The following CCNF variants were observed in gnomAD, a reference collection of about 807,000 sequenced individuals.
CCNF encodes cyclin-F.
In CCNF, 30 loss-of-function variants were observed where a neutral mutation model predicts 85.4. The observed-to-expected ratio is 0.35, with a 90% CI of 0.26 to 0.48. CCNF has a LOEUF of 0.48. CCNF is among the 20% of genes least tolerant of loss of function. The probability of loss-of-function intolerance (pLI) is 0.99; values close to 1 mark genes in which losing one functional copy is unlikely to be tolerated. For synonymous variants in CCNF, 439 were observed against 425.1 expected, an observed-to-expected ratio of 1.03 and a Z score of -0.40; for missense variants, 919 against 1,010.4, an observed-to-expected ratio of 0.91 and a Z score of 1.23.
chr16:2,448,079 G>GAGAACA (rs2065371977), intron 10 of CCNF, among the ~76,000 whole-genome samples: 1 of 152,252 alleles, frequency 6.6e-6, no homozygotes, highest in African/African-American at 2.4e-5. Context: ...ACAGAGAACA[G>GAGAACA]GGTGACCATC....
intron 8 of CCNF, among the ~76,000 whole-genome samples, chr16:2,441,937 T>TTATATATATATA (rs55737759): frequency 8.0e-4 from 48 of 60,136 alleles, no homozygotes; most frequent in Non-Finnish European, 9.8e-4. Flanking sequence ...TATTAGCAAA[T>TTATATATATATA]TATATATATA....
intron 5 of CCNF, 167 bp from the exon 6 acceptor site, chr16:2,437,903 T>TAAAAA (rs34068510): frequency 1.2e-5 from 5 of 410,470 alleles, no homozygotes; most frequent in Admixed American, 7.8e-5. Context: ...TGTTTCCCTT[T>TAAAAA]AAAAAAAAAA....
chr16:2,435,832 C>T lies in CCNF; in HGVS notation c.305C>T (p.Ala102Val), dbSNP rs2065287922. ...GCTGCTGAAAAGGGGAATTTCGAAG[C>T]TGCTGTGAAGCTGGGCATAGCCTAC... ...ERAAEKGNFE[A>V]AVKLGIAYLY... is the part of the protein sequence containing the mutation. Residue 102 changes from alanine (A) to valine (V), a missense_variant, in exon 4 of 17, where the codon GCT becomes GTT. Physicochemically the swap from Ala to Val is moderately conservative, Grantham distance 64. Transcript: ENST00000397066. The T allele has an allele frequency of 6.2e-7, 1 of 1,613,694 alleles. No individual in the cohort carries two copies. Among genetic ancestry groups the T allele is most frequent in the African/African-American group, 1.3e-5 (1 of 74,876 alleles).
At chr16:2,443,556 A>C in intron 8 of CCNF, 93 bp from the exon 9 acceptor site, 1 of 1,257,738 alleles carries the variant, frequency 8.0e-7, no homozygotes, top group South Asian at 1.3e-5. Context: ...GTGTGTCCAC[A>C]TGCATTTGGT....
intron 2 of CCNF, among the ~76,000 whole-genome samples, chr16:2,432,279 T>C (rs1002929742): frequency 8.5e-5 from 13 of 152,182 alleles, no homozygotes; most frequent in African/African-American, 2.7e-4. Context: ...ATTGGAACCA[T>C]AGGCTTACTT....
At chr16:2,430,661 G>A (rs1203700378) in intron 1 of CCNF, among the ~76,000 whole-genome samples, 1 of 152,082 alleles carries the variant, frequency 6.6e-6, no homozygotes, top group Non-Finnish European at 1.5e-5. Context: ...CTTCTAATTT[G>A]GACTTGAAAA....
At chr16:2,449,785 G>GTCCCCTCCCA in intron 12 of CCNF, 43 bp from the exon 13 acceptor site, 1 of 653,730 alleles carries the variant, frequency 1.5e-6, no homozygotes, top group South Asian at 1.5e-5. Flanking sequence ...CATCCCCTCC[G>GTCCCCTCCCA]TCCCCTCCAT....
chr16:2,437,183 T>G lies in CCNF; in HGVS notation c.401T>G (p.Phe134Cys), dbSNP rs1238678447. 2 of 1,612,162 alleles carry G rather than the reference T, an allele frequency of 1.2e-6. No individual in the cohort carries two copies. The highest frequency in any genetic ancestry group is 4.5e-5 in the East Asian group (2 of 44,796). Residue 134 changes from phenylalanine to cysteine, a missense_variant, in exon 5 of 17, where the codon TTC becomes TGC. Phe to Cys is a radical substitution (Grantham distance 205, BLOSUM62 -2). Around this residue, in one of 3 missense-constraint regions of CCNF, gnomAD observed 410 missense variants for 478.6 expected, o/e 0.86. Coordinates refer to ENST00000397066, the MANE Select transcript of CCNF (RefSeq NM_001761.3). ...GTGAATGGCCTGAAGGCCTCTCGCT[T>G]CTTCAGTCTCGCTGAGCGGCTGAAT... ...AEVNGLKASR[F>C]FSLAERLNVG...
intron 12 of CCNF, 82 bp from the exon 13 acceptor site, chr16:2,449,746 G>A (rs962260710): frequency 4.9e-5 from 46 of 937,002 alleles, no homozygotes; most frequent in Non-Finnish European, 6.1e-5. Context: ...GTGTTCAGGC[G>A]GCTGTCACCA....
chr16:2,442,931 G>A (rs182981048), intron 8 of CCNF, among the ~76,000 whole-genome samples: 69,825 of 92,252 alleles, frequency 0.76, 26,774 homozygotes, highest in African/African-American at 0.92. Flanking sequence ...TAATATATAT[G>A]ATTATTATAT....
In CCNF at chr16:2,431,215, T is replaced by A. The variant is rs2065260853; in HGVS notation, c.102T>A (p.Ser34Arg). ...GGCCCCGAAACCTGACCATCTTGAG[T>A]CTCCCCGAAGATGTGCTCTTTCACA... ...RRRPRNLTILSLPEDVLFHIL... is the reference protein window; with the variant it reads ...RRRPRNLTILRLPEDVLFHIL... Residue 34 changes from serine (S) to arginine (R), a missense_variant, in exon 2 of 17, where the codon AGT becomes AGA. Coordinates refer to ENST00000397066, the MANE Select transcript of CCNF (RefSeq NM_001761.3). 3 of 1,614,006 alleles carry A rather than the reference T, an allele frequency of 1.9e-6. No individual in the cohort carries two copies. Among genetic ancestry groups the A allele is most frequent in the African/African-American group, 2.7e-5 (2 of 74,978 alleles).
Position 2,433,053 on chromosome 16 carries a change from G to A in CCNF, c.264G>A (p.Leu88=). 2.5e-6 allele frequency: 4 copies of A among 1,607,624 alleles called. No individual in the cohort carries two copies. The highest frequency in any genetic ancestry group is 3.4e-6 in the Non-Finnish European group (4 of 1,175,122). ...FQELWPSPGN[L]KLFERAAEKG... is the part of the protein sequence containing the mutation. ...AGCTGTGGCCGTCTCCAGGGAACCT[G>A]AAGCTCTTTGAAAGGTATCTCTGCA... The change falls in exon 3 of 17, where the codon CTG becomes CTA. Residue 88 remains leucine (L), a synonymous_variant. Transcript: ENST00000397066.
In CCNF at chr16:2,457,969, C is replaced by G. The variant is rs2065439538; in HGVS notation, c.*949C>G. 1 of 152,248 alleles carries G rather than the reference C, an allele frequency of 6.6e-6. No homozygotes were observed. The highest frequency in any genetic ancestry group is 1.5e-5 in the Non-Finnish European group (1 of 68,058). 9.4% of individuals were successfully genotyped at this position (152,248 alleles called of 1,614,324 possible). A position where few individuals can be genotyped will look rare whatever the true frequency, so the allele number is the denominator to read the frequency against. ...GTGACCAAGAGGCAGAAGAGCAGAG[C>G]AGTCGGGGGCCGTGTCCTGGCTGAT... On this transcript the variant is annotated 3_prime_UTR_variant, in exon 17 of 17. Transcript: ENST00000397066.
chr16:2,440,573 C>T (rs912422732), intron 8 of CCNF, among the ~76,000 whole-genome samples: 16 of 151,792 alleles, frequency 1.1e-4, no homozygotes, highest in African/African-American at 2.7e-4. Context: ...CCAGCCTGGG[C>T]GACAGAGCAA....
Position 2,453,081 on chromosome 16 carries a change from G to A in CCNF, c.1488-129G>A, listed in dbSNP as rs932546483. On this transcript the variant is annotated intron_variant, in intron 13 of 16. Transcript: ENST00000397066. This position sits in a 1 kb window ranked among gnomAD's most constrained non-coding sequence, Gnocchi z 5.6. ...CTGTGGTGACTGAGTTTAACCATTC[G>A]GGGAACTGCCAGGTCAGATTCCAGA... The A allele has an allele frequency of 3.3e-5, 25 of 758,264 alleles. No individual in the cohort carries two copies. The highest frequency in any genetic ancestry group is 8.6e-5 in the African/African-American group (5 of 58,054). The allele number at this position is 758,264 out of a possible 1,614,324, so 47.0% of individuals were successfully genotyped here. A position where few individuals can be genotyped will look rare whatever the true frequency, so the allele number is the denominator to read the frequency against.
At chr16:2,430,316 C>T (rs1596912346) in intron 1 of CCNF, among the ~76,000 whole-genome samples, 1 of 152,140 alleles carries the variant, frequency 6.6e-6, no homozygotes, top group South Asian at 2.1e-4. Context: ...TTCTGTTTCC[C>T]TGTGAAATAA....
intron 4 of CCNF, 65 bp downstream of exon 4, chr16:2,435,938 A>G: frequency 8.3e-7 from 1 of 1,202,348 alleles, no homozygotes; most frequent in East Asian, 2.3e-5. Context: ...CCCTATGAAG[A>G]AGTGGTCCCC....
At chr16:2,450,080 G>A (rs1393393719) in intron 13 of CCNF, among the ~76,000 whole-genome samples, 165 bp downstream of exon 13, 3 of 151,926 alleles carry the variant, frequency 2.0e-5, no homozygotes, top group East Asian at 1.9e-4. Flanking sequence ...GGTGGTGCAC[G>A]CCTATAATTC....
In CCNF at chr16:2,436,075, C is replaced by T. The variant is rs530923736; in HGVS notation, c.346+202C>T. ...AATGATACTCTGACTTTGCAGGTTACGAAAGTCGCCTCTTGTTTTAGCAAA... is the reference window on the plus strand; with the variant it reads ...AATGATACTCTGACTTTGCAGGTTATGAAAGTCGCCTCTTGTTTTAGCAAA... On this transcript the variant is annotated intron_variant, in intron 4 of 16. Transcript: ENST00000397066. 1.9e-5 allele frequency: 9 copies of T among 463,312 alleles called. No homozygotes were observed. In the South Asian group the frequency reaches 2.3e-4, roughly 12 times the overall value. The allele number at this position is 463,312 out of a possible 1,614,324, so 28.7% of individuals were successfully genotyped here. A position where few individuals can be genotyped will look rare whatever the true frequency, so the allele number is the denominator to read the frequency against.
Sources: gnomAD v4.1 joint callset for allele counts (sites outside exome capture counted in the v4.1 genomes callset) on GRCh38, gnomAD v4.1.1 for gene constraint, gnomAD v4.1.1 regional missense constraint, Gnocchi (gnomAD v3.1) non-coding constraint, MANE v1.5 for transcripts, NCBI Gene and HGNC (gene_info 2026-07-23, HGNC 2026-07-21) for gene names.